Variants in PRH1 observed in about 807,000 individuals in gnomAD.
PRH1 encodes the protein salivary acidic proline-rich phosphoprotein 1/2.
PRH1 carries 7 observed loss-of-function variants against 7.9 expected under a neutral mutation model. That is an observed-to-expected ratio of 0.89 (90% CI 0.50 to 1.67). The LOEUF is 1.67. PRH1 is among the 40% of genes most tolerant of loss of function. PRH1 has a pLI of 0.00. For synonymous variants in PRH1, 45 were observed against 80.8 expected (o/e 0.56, Z 2.38); for missense variants, 109 against 223.6 (o/e 0.49, Z 3.27).
At chr12:11,100,692 T>A (rs993145717) in intron 1 of PRH1, among the ~76,000 whole-genome samples, 29 of 152,222 alleles carry the variant, frequency 1.9e-4, no homozygotes, top group Non-Finnish European at 1.5e-5. Flanking sequence ...TCACAAATGC[T>A]TTTTCTCATT....
chr12:10,980,770 G>C (rs72475456), intron 1 of PRH1, among the ~76,000 whole-genome samples: 4 of 150,526 alleles, frequency 2.7e-5, no homozygotes, highest in Non-Finnish European at 5.9e-5. Flanking sequence ...CTGAGAAGTG[G>C]TGCCCAGTAA....
intron 2 of PRH1, among the ~76,000 whole-genome samples, chr12:10,898,694 GAA>G (rs986843502): frequency 6.6e-6 from 1 of 152,208 alleles, no homozygotes; most frequent in African/African-American, 2.4e-5. Context: ...AAGCATGTCA[GAA>G]GAGGGGTTGA....
intron 1 of PRH1, among the ~76,000 whole-genome samples, chr12:11,149,082 T>C (rs1946975467): frequency 6.6e-6 from 1 of 151,660 alleles, no homozygotes; most frequent in African/African-American, 2.4e-5. Flanking sequence ...GTAGAGGTGT[T>C]TGTAGTATTC....
chr12:11,085,974 A>C (rs1246185985), intron 1 of PRH1, among the ~76,000 whole-genome samples: 20,516 of 72,334 alleles, frequency 0.28, 1,213 homozygotes, highest in Non-Finnish European at 0.37. Flanking sequence ...TGAATCCTAA[A>C]TTTTCCTACT....
At chr12:10,955,345 T>C (rs1480981502) in intron 2 of PRH1, among the ~76,000 whole-genome samples, 3 of 151,962 alleles carry the variant, frequency 2.0e-5, no homozygotes, top group African/African-American at 7.2e-5. Flanking sequence ...TGGGTACATA[T>C]TGAAATTAAG....
intron 2 of PRH1, among the ~76,000 whole-genome samples, chr12:10,924,944 A>G (rs1448371261): frequency 1.3e-5 from 2 of 152,028 alleles, no homozygotes; most frequent in African/African-American, 4.8e-5. Flanking sequence ...GATCTTTTCA[A>G]AAAAACCAAC....
chr12:11,025,911 T>A (rs1022918422), intron 1 of PRH1, among the ~76,000 whole-genome samples: 23 of 152,298 alleles, frequency 1.5e-4, no homozygotes, highest in Non-Finnish European at 5.9e-5. Context: ...ATGGGGAAAC[T>A]GAACAAACTA....
chr12:11,080,535 C>T lies in PRH1; in HGVS notation n.124-33347G>A, dbSNP rs1476895237. ...TAAACGTTCACATTCTCCTCACAGA[C>T]ATAAAAAAGCCAAAAACATAGTTTG... On this transcript the variant is annotated intron_variant and non_coding_transcript_variant, in intron 1 of 4. Coordinates refer to the PRH1 transcript ENST00000541977. Among the ~76,000 whole-genome samples the T allele has an allele frequency of 2.9e-5, 3 of 104,776 alleles. 1 individual carries two copies. The highest frequency in any genetic ancestry group is 9.3e-5 in the African/African-American group (3 of 32,384). The allele number at this position is 104,776 out of a possible 152,430, so 68.7% of individuals were successfully genotyped here. A position where few individuals can be genotyped will look rare whatever the true frequency, so the allele number is the denominator to read the frequency against.
intron 2 of PRH1, among the ~76,000 whole-genome samples, chr12:10,917,956 G>C (rs1358930021): frequency 6.6e-6 from 1 of 152,162 alleles, no homozygotes; most frequent in Admixed American, 6.5e-5. Context: ...AAGCTGAGCA[G>C]ATATCAGTGC....
At chr12:10,931,333 G>T (rs1376739877) in intron 2 of PRH1, among the ~76,000 whole-genome samples, 1 of 152,116 alleles carries the variant, frequency 6.6e-6, no homozygotes, top group Non-Finnish European at 1.5e-5. Flanking sequence ...TGAGGACATA[G>T]AATCATGTTC....
chr12:10,979,993 A>C (rs1394120905), intron 1 of PRH1, among the ~76,000 whole-genome samples: 1 of 152,192 alleles, frequency 6.6e-6, no homozygotes, highest in African/African-American at 2.4e-5. Context: ...ATCCAAATGA[A>C]GATGTCAAAT....
In PRH1 at chr12:10,949,290, C is replaced by T. The variant is rs181808632; in HGVS notation, c.-59+24365G>A. On this transcript the variant is annotated intron_variant, in intron 2 of 3. Coordinates refer to the PRH1 transcript ENST00000539853. ...ATTTGTGGGACCCATGGAAGTCTAA[C>T]TGGGTTTCTCTCCTTGGGTTGACTG... 2.6e-3 allele frequency among the ~76,000 whole-genome samples: 401 copies of T among 152,270 alleles called. 2 individuals carry two copies. The highest frequency in any genetic ancestry group is 2.3e-3 in the Non-Finnish European group (155 of 68,012).
At chr12:11,033,908 C>A (rs910309057) in intron 1 of PRH1, among the ~76,000 whole-genome samples, 39 of 152,240 alleles carry the variant, frequency 2.6e-4, no homozygotes, top group African/African-American at 6.7e-4. Flanking sequence ...AACCATGATG[C>A]AGGGCAAGAC....
At position 10,910,280 on chromosome 12, in the gene PRH1, G is replaced by C. The variant is rs185330612; in HGVS notation, c.-58-26005C>G. Among the ~76,000 whole-genome samples, 697 of 152,068 alleles carry C rather than the reference G, an allele frequency of 4.6e-3. 3 individuals are homozygous for C. The highest frequency in any genetic ancestry group is 8.3e-3 in the Non-Finnish European group (565 of 67,994). On this transcript the variant is annotated intron_variant, in intron 2 of 3. Coordinates refer to the PRH1 transcript ENST00000539853. The stretch of plus-strand genomic sequence containing the variant: ...AATTTGTAAATCAAGCACAGTAAAA[G>C]ATTACAAAAATAACTAATAATAAAA...
At chr12:11,066,284 T>C (rs1943808137) in intron 1 of PRH1, among the ~76,000 whole-genome samples, 1 of 152,290 alleles carries the variant, frequency 6.6e-6, no homozygotes, top group African/African-American at 2.4e-5. Flanking sequence ...CTTAACTCTG[T>C]TTGACTATTT....
At chr12:11,105,337 T>G (rs1240151324) in intron 1 of PRH1, among the ~76,000 whole-genome samples, 4 of 152,116 alleles carry the variant, frequency 2.6e-5, no homozygotes, top group Non-Finnish European at 5.9e-5. Flanking sequence ...AAGCCTGATA[T>G]CACTGGTCAA....
intron 1 of PRH1, among the ~76,000 whole-genome samples, chr12:10,993,548 A>G (rs912638118): frequency 3.9e-5 from 6 of 152,152 alleles, no homozygotes; most frequent in Non-Finnish European, 7.3e-5. Context: ...ACATGCTGAA[A>G]CACCCTTTTA....
chr12:10,983,243 C>T lies in PRH1; in HGVS notation c.-125-9522G>A, dbSNP rs147882003. 3.4e-3 allele frequency among the ~76,000 whole-genome samples: 516 copies of T among 152,278 alleles called. 1 individual carries two copies. The highest frequency in any genetic ancestry group is 0.012 in the African/African-American group (481 of 41,558). On this transcript the variant is annotated intron_variant, in intron 1 of 3. Coordinates refer to the PRH1 transcript ENST00000539853. ...ACTACCTTCTGTCTGAAAAACAAAA[C>T]AGCAAGTGCAGAAGATTAATCCAAG...
intron 1 of PRH1, among the ~76,000 whole-genome samples, chr12:10,976,321 T>A (rs1939095583): frequency 6.6e-6 from 1 of 152,156 alleles, no homozygotes; most frequent in Non-Finnish European, 1.5e-5. Flanking sequence ...CCTGAATGAA[T>A]TTTGGGTACA....
Sources: gnomAD v4.1 joint callset for allele counts (sites outside exome capture counted in the v4.1 genomes callset) on GRCh38, gnomAD v4.1.1 for gene constraint, MANE v1.5 for transcripts, NCBI Gene and HGNC (gene_info 2026-07-23, HGNC 2026-07-21) for gene names.